Variants in TF observed in about 807,000 individuals in gnomAD.
TF encodes serotransferrin.
A neutral mutation model predicts 82.4 loss-of-function variants in TF; 55 were observed. The ratio of observed to expected loss-of-function variants is 0.67; its 90% CI spans 0.54 to 0.84. The LOEUF (loss-of-function observed/expected upper bound fraction) is 0.84, where lower values mean the gene tolerates loss of function less well. Among genes scored for constraint, TF ranks in the 40% least tolerant of loss-of-function variants. TF has a pLI of 0.00. For synonymous variants in TF, 332 were observed against 332.6 expected (o/e 1.00, Z 0.02); for missense variants, 737 against 868.4 (o/e 0.85, Z 1.90).
chr3:133,699,584 C>G, the TF span: 2 of 607,016 alleles, frequency 3.3e-6, no homozygotes, highest in African/African-American at 1.9e-5. Context: ...GTGTGGGTGG[C>G]AAGGAGGACT....
At chr3:133,674,622 C>T in the TF span, among the ~76,000 whole-genome samples, 1 of 152,182 alleles carries the variant, frequency 6.6e-6, no homozygotes, top group African/African-American at 2.4e-5. Context: ...CTATCTGCGC[C>T]CTGCTGTGCG....
chr3:133,790,331 AG>A lies in TF; in HGVS notation c.*11713del, dbSNP rs1282754175. On this transcript the variant is annotated 3_prime_UTR_variant, in exon 17 of 17. Transcript: ENST00000402696. ...CTTTTTAGCGTTTCACTAAAGTTTT[AG>A]GTTACTAAGGATAAGAATTCTAGTT... 2 of 152,214 alleles carry A rather than the reference AG, an allele frequency of 1.3e-5. No individual in the cohort carries two copies. Among genetic ancestry groups the A allele is most frequent in the Non-Finnish European group, 2.9e-5 (2 of 68,016 alleles). 9.4% of individuals were successfully genotyped at this position (152,214 alleles called of 1,614,324 possible).
At chr3:133,686,895 C>T in the TF span, among the ~76,000 whole-genome samples, 59 of 152,274 alleles carry the variant, frequency 3.9e-4, no homozygotes, top group African/African-American at 1.4e-3. Context: ...CACATGCACA[C>T]CTATGTTTAT....
At chr3:133,674,850 C>T in the TF span, among the ~76,000 whole-genome samples, 1 of 152,148 alleles carries the variant, frequency 6.6e-6, no homozygotes, top group African/African-American at 2.4e-5. Context: ...ACCCCATTGA[C>T]TAGGGAGAGG....
At chr3:133,767,992 T>C in intron 12 of TF, 37 bp from the exon 13 acceptor site, 1 of 1,613,866 alleles carries the variant, frequency 6.2e-7, no homozygotes, top group African/African-American at 1.3e-5. Context: ...TTGCATTGAC[T>C]CAGGAAAAGC....
At position 133,780,912 on chromosome 3, in the gene TF, C is replaced by T. The variant is rs2107939108; in HGVS notation, c.*2292C>T. 1 of 152,308 alleles carries T rather than the reference C, an allele frequency of 6.6e-6. No individual in the cohort carries two copies. The highest frequency in any genetic ancestry group is 2.1e-4 in the South Asian group (1 of 4,828). The allele number at this position is 152,308 out of a possible 1,614,324, so 9.4% of individuals were successfully genotyped here. A position where few individuals can be genotyped will look rare whatever the true frequency, so the allele number is the denominator to read the frequency against. ...CCTGTAGTCCCAGCTACTCAGGAGG[C>T]TGAAGCATGAGAAGTGCTTGATCCT... On this transcript the variant is annotated 3_prime_UTR_variant, in exon 17 of 17. Transcript: ENST00000402696.
chr3:133,687,282 C>T, the TF span, among the ~76,000 whole-genome samples: 2 of 151,974 alleles, frequency 1.3e-5, no homozygotes, highest in Non-Finnish European at 2.9e-5. Context: ...CAACATGGCA[C>T]ATGTATACAT....
intron 13 of TF, among the ~76,000 whole-genome samples, chr3:133,768,587 G>A (rs1479010400): frequency 1.3e-5 from 2 of 149,832 alleles, no homozygotes; most frequent in Non-Finnish European, 3.0e-5. Context: ...CTAGTGCCTC[G>A]GCAATGATAC....
the TF span, among the ~76,000 whole-genome samples, chr3:133,679,474 C>T: frequency 6.6e-6 from 1 of 152,102 alleles, no homozygotes; most frequent in Admixed American, 6.5e-5. Flanking sequence ...GCAAAATGCC[C>T]CCAGTCATTC....
At chr3:133,777,320 A>G (rs183628946) in intron 16 of TF, 82 bp downstream of exon 16, 2 of 1,392,866 alleles carry the variant, frequency 1.4e-6, no homozygotes, top group African/African-American at 2.8e-5. Context: ...CAGGAGGGGT[A>G]GGCTGTGGCC....
Position 133,764,312 on chromosome 3 carries a change from C to G in TF, c.1297+37C>G, listed in dbSNP as rs371392967. 27 of 1,527,694 alleles carry G rather than the reference C, an allele frequency of 1.8e-5. No homozygotes were observed. In the East Asian group the frequency reaches 1.8e-4, roughly 10 times the overall value. 94.6% of individuals were successfully genotyped at this position (1,527,694 alleles called of 1,614,324 possible). A position where few individuals can be genotyped will look rare whatever the true frequency, so the allele number is the denominator to read the frequency against. On this transcript the variant is annotated intron_variant, in intron 10 of 16. Transcript: ENST00000402696. ...GGAGCACCTCTCTGTGTTTTCTTCC[C>G]TCAGGGCCATGGAGAGAGGAGATGG...
the TF span, among the ~76,000 whole-genome samples, chr3:133,715,477 A>G: frequency 6.6e-6 from 1 of 152,100 alleles, no homozygotes; most frequent in East Asian, 1.9e-4. Context: ...TGGCAGCATC[A>G]AATCTTCTTC....
At chr3:133,740,298 A>G in the TF span, among the ~76,000 whole-genome samples, 1 of 152,142 alleles carries the variant, frequency 6.6e-6, no homozygotes, top group East Asian at 1.9e-4. Context: ...ATACATGGAC[A>G]CAGGGAGGGG....
chr3:133,738,569 G>A, the TF span, among the ~76,000 whole-genome samples: 8 of 135,802 alleles, frequency 5.9e-5, no homozygotes, highest in African/African-American at 2.0e-4. Context: ...AAACCCCATC[G>A]TCTCAGTCCA....
At chr3:133,724,922 C>T in the TF span, among the ~76,000 whole-genome samples, 2 of 152,128 alleles carry the variant, frequency 1.3e-5, no homozygotes, top group South Asian at 4.2e-4. Flanking sequence ...AATCCTTTCC[C>T]CATTGCTTGT....
At chr3:133,725,568 G>T in the TF span, among the ~76,000 whole-genome samples, 1 of 151,880 alleles carries the variant, frequency 6.6e-6, no homozygotes, top group Non-Finnish European at 1.5e-5. Flanking sequence ...TGAGACAATG[G>T]GGTTTTCTAG....
chr3:133,764,296 C>A, intron 10 of TF, 21 bp downstream of exon 10: 1 of 1,595,912 alleles, frequency 6.3e-7, no homozygotes, highest in South Asian at 1.1e-5. Flanking sequence ...GGGAGCACCT[C>A]TCTGTGTTTT....
chr3:133,691,781 C>A, the TF span: 75,672 of 152,806 alleles, frequency 0.5, 19,262 homozygotes, highest in African/African-American at 0.61. Context: ...GCAGGCCTGG[C>A]CCCCTACAGC....
At chr3:133,732,938 C>G in the TF span, among the ~76,000 whole-genome samples, 240 of 152,320 alleles carry the variant, frequency 1.6e-3, 1 homozygote, top group African/African-American at 5.7e-3. Context: ...GACCAAGCCA[C>G]TGTAGCTTTA....
Sources: gnomAD v4.1 joint callset for allele counts (sites outside exome capture counted in the v4.1 genomes callset) on GRCh38, gnomAD v4.1.1 for gene constraint, MANE v1.5 for transcripts, NCBI Gene and HGNC (gene_info 2026-07-23, HGNC 2026-07-21) for gene names.